MCC: variants seen among roughly 807,000 people sequenced by gnomAD.
The protein encoded by MCC is colorectal mutant cancer protein.
A neutral mutation model predicts 116.2 loss-of-function variants in MCC; 90 were observed. That is an observed-to-expected ratio of 0.77 (90% CI 0.65 to 0.92). The LOEUF (loss-of-function observed/expected upper bound fraction) is 0.92, where lower values mean the gene tolerates loss of function less well. Among genes scored for constraint, MCC ranks in the 40% least tolerant of loss-of-function variants. The pLI is 0.00. For missense variants in MCC, 1,516 were observed against 1,312.2 expected, an observed-to-expected ratio of 1.16 and a Z score of -2.40; for synonymous variants, 578 against 510.5, an observed-to-expected ratio of 1.13 and a Z score of -1.78.
At chr5:113,185,161 A>C (rs1289048173) in intron 3 of MCC, among the ~76,000 whole-genome samples, 3 of 152,178 alleles carry the variant, frequency 2.0e-5, no homozygotes, top group Non-Finnish European at 4.4e-5. Flanking sequence ...GGTTGAATTC[A>C]TCCAACTTTG....
intron 10 of MCC, 43 bp downstream of exon 10, chr5:113,084,058 C>T (rs765618970): frequency 1.4e-6 from 2 of 1,475,698 alleles, no homozygotes; most frequent in South Asian, 1.1e-5. Context: ...GTCTGTGTAG[C>T]TCTGCCGGGT....
intron 1 of MCC, among the ~76,000 whole-genome samples, chr5:113,402,252 C>T (rs914743389): frequency 6.7e-6 from 1 of 148,368 alleles, no homozygotes; most frequent in Non-Finnish European, 1.5e-5. Context: ...TGAGATTGCG[C>T]CACTGCACTC....
intron 3 of MCC, among the ~76,000 whole-genome samples, chr5:113,235,166 A>T (rs1318581057): frequency 6.6e-6 from 1 of 152,204 alleles, no homozygotes; most frequent in Non-Finnish European, 1.5e-5. Context: ...CCACAATAAA[A>T]ATGGGCTTTT....
intron 3 of MCC, among the ~76,000 whole-genome samples, chr5:113,206,112 C>T (rs184580604): frequency 3.3e-5 from 5 of 152,314 alleles, no homozygotes; most frequent in Non-Finnish European, 5.9e-5. Flanking sequence ...CAGGTCACTA[C>T]GGCTTGCAGT....
At chr5:113,259,829 G>T (rs1323912867) in intron 3 of MCC, among the ~76,000 whole-genome samples, 1 of 152,010 alleles carries the variant, frequency 6.6e-6, no homozygotes, top group African/African-American at 2.4e-5. Flanking sequence ...GCATAAATGG[G>T]TTAATTTTCA....
rs569376874 is a variant in MCC, at chr5:113,110,022, T to C, written c.1028-5667A>G. On this transcript the variant is annotated intron_variant, in intron 6 of 18. Transcript: ENST00000408903. ...TCTCCAGAGACAGGATCTCATTACATTGCCCAGGCTAGGAACGAACTCCTG... is the reference window on the plus strand; with the variant it reads ...TCTCCAGAGACAGGATCTCATTACACTGCCCAGGCTAGGAACGAACTCCTG... Among the ~76,000 whole-genome samples, 13 of 152,218 alleles carry C rather than the reference T, an allele frequency of 8.5e-5. 1 individual carries two copies. The South Asian group carries it at 2.7e-3, about 32-fold the overall frequency.
At chr5:113,058,761 C>T (rs960096504) in intron 14 of MCC, among the ~76,000 whole-genome samples, 3 of 152,210 alleles carry the variant, frequency 2.0e-5, no homozygotes, top group Non-Finnish European at 4.4e-5. Context: ...GTTCCTGCCT[C>T]ACTAAGTTGT....
chr5:113,138,348 T>C lies in MCC; in HGVS notation c.884+4870A>G, dbSNP rs558155145. Among the ~76,000 whole-genome samples, 37 of 152,312 alleles carry C rather than the reference T, an allele frequency of 2.4e-4. 1 individual carries two copies. Among genetic ancestry groups the C allele is most frequent in the African/African-American group, 8.9e-4 (37 of 41,578 alleles). On this transcript the variant is annotated intron_variant, in intron 5 of 18. Transcript: ENST00000408903. Reference sequence around the variant, plus strand: ...CTTATGTTGAAGCCTTAACATCCAATGTGATGGTGTTTGGAGACAGGGCCT... The same window carrying C: ...CTTATGTTGAAGCCTTAACATCCAACGTGATGGTGTTTGGAGACAGGGCCT...
intron 6 of MCC, among the ~76,000 whole-genome samples, chr5:113,110,338 C>T (rs1462992576): frequency 6.6e-6 from 1 of 152,184 alleles, no homozygotes; most frequent in Non-Finnish European, 1.5e-5. Context: ...GCTGACTCCT[C>T]CAGCTAGCCT....
chr5:113,126,079 T>TAAAG (rs1758033781), intron 5 of MCC, among the ~76,000 whole-genome samples: 1 of 152,206 alleles, frequency 6.6e-6, no homozygotes, highest in Non-Finnish European at 1.5e-5. Context: ...CCTTGGAACA[T>TAAAG]AAAGGGTCAA....
chr5:113,463,336 T>C (rs927564400), intron 1 of MCC, among the ~76,000 whole-genome samples: 1 of 152,116 alleles, frequency 6.6e-6, no homozygotes, highest in South Asian at 2.1e-4. Flanking sequence ...GAGGACTGCA[T>C]TGGAGGGAGG....
At chr5:113,470,139 T>G (rs1432009629) in intron 1 of MCC, among the ~76,000 whole-genome samples, 1 of 151,696 alleles carries the variant, frequency 6.6e-6, no homozygotes, top group Non-Finnish European at 1.5e-5. Context: ...TTATCCAATT[T>G]GCCAGTCTGT....
At chr5:113,477,180 T>C (rs539684350) in intron 1 of MCC, among the ~76,000 whole-genome samples, 2 of 152,194 alleles carry the variant, frequency 1.3e-5, no homozygotes, top group Non-Finnish European at 1.5e-5. Context: ...CTCAATAATA[T>C]TAGCTATTAA....
intron 3 of MCC, among the ~76,000 whole-genome samples, chr5:113,217,748 C>CGT (rs1337676374): frequency 6.6e-6 from 1 of 152,064 alleles, no homozygotes; most frequent in African/African-American, 2.4e-5. Context: ...AGGGTGCTGT[C>CGT]GTTTATCTTT....
intron 2 of MCC, among the ~76,000 whole-genome samples, chr5:113,346,637 A>T (rs1218413845): frequency 9.1e-6 from 1 of 110,008 alleles, no homozygotes; most frequent in Non-Finnish European, 1.9e-5. Context: ...CAACAACAAA[A>T]AAAACAACAA....
rs1228204307 is a variant in MCC, at chr5:113,488,324, T to G, written c.91A>C (p.Thr31Pro). ...CTCTCCTCCTCGCCGGTGCTGGACG[T>G]GTCGCTGCTGCTGCTGCTGCTGCCG... ...GSGSSSSSSD[T>P]SSTGEEERMR... The change falls in exon 1 of 19, where the codon ACG becomes CCG. Residue 31 changes from threonine (T) to proline (P), a missense_variant. Transcript: ENST00000408903. The G allele has an allele frequency of 1.9e-6, 3 of 1,561,602 alleles. No individual in the cohort carries two copies. The highest frequency in any genetic ancestry group is 5.4e-5 in the East Asian group (2 of 37,368).
intron 5 of MCC, among the ~76,000 whole-genome samples, chr5:113,138,904 T>C (rs1250691675): frequency 6.6e-6 from 1 of 152,188 alleles, no homozygotes; most frequent in African/African-American, 2.4e-5. Flanking sequence ...CAGGGGACTC[T>C]GGTTCTATAA....
At position 113,181,367 on chromosome 5, in the gene MCC, T is replaced by C. The variant is rs771767687; in HGVS notation, c.628-29945A>G. Among the ~76,000 whole-genome samples, 62 of 152,364 alleles carry C rather than the reference T, an allele frequency of 4.1e-4. 1 individual carries two copies. The highest frequency in any genetic ancestry group is 8.2e-4 in the Non-Finnish European group (56 of 68,030). On this transcript the variant is annotated intron_variant, in intron 3 of 18. Coordinates refer to ENST00000408903, the MANE Select transcript of MCC (RefSeq NM_001085377.2). ...TGAAGAGATTCACTTTTACTGGGAC[T>C]CAAAGAAATTTGGCTAGGCTGTTTT...
chr5:113,376,728 C>T (rs1003883266), intron 2 of MCC, among the ~76,000 whole-genome samples: 7 of 152,090 alleles, frequency 4.6e-5, no homozygotes, highest in Admixed American at 2.0e-4. Flanking sequence ...GGCACTCATT[C>T]GCCTTTCTGG....
Sources: allele counts gnomAD v4.1 joint callset (sites outside exome capture counted in the v4.1 genomes callset), GRCh38; gene constraint gnomAD v4.1.1; transcripts MANE v1.5; gene names NCBI Gene and HGNC (gene_info 2026-07-23, HGNC 2026-07-21).